The following SP140 variants were observed in gnomAD, a reference collection of about 807,000 sequenced individuals.
The protein encoded by SP140 is nuclear body protein SP140.
A neutral mutation model predicts 125.0 loss-of-function variants in SP140; 81 were observed. That is an observed-to-expected ratio of 0.65 (90% CI 0.54 to 0.78). The LOEUF (loss-of-function observed/expected upper bound fraction) is 0.78, where lower values mean the gene tolerates loss of function less well. Among genes scored for constraint, SP140 ranks in the 30% least tolerant of loss-of-function variants. The pLI is 0.00. For synonymous variants in SP140, 312 were observed against 354.0 expected, an observed-to-expected ratio of 0.88 and a Z score of 1.33; for missense variants, 858 against 1,037.0, an observed-to-expected ratio of 0.83 and a Z score of 2.37.
In SP140 at chr2:230,286,363, G is replaced by T. The variant is rs2056382650; in HGVS notation, c.1645+531G>T. On this transcript the variant is annotated intron_variant, in intron 17 of 26. Coordinates refer to ENST00000392045, the MANE Select transcript of SP140 (RefSeq NM_007237.5). ...CAAGCCTTAGTCTGGAACACATATA[G>T]TTGGGGGTGACATGGTCAGTGTCTT... is the stretch of plus-strand genomic sequence containing the variant. Among the ~76,000 whole-genome samples, 3 of 152,208 alleles carry T rather than the reference G, an allele frequency of 2.0e-5. No homozygotes were observed. The South Asian group carries it at 6.2e-4, about 31-fold the overall frequency.
At position 230,312,700 on chromosome 2, in the gene SP140, C is replaced by T; in HGVS notation, c.*16C>T. On this transcript the variant is annotated 3_prime_UTR_variant, in exon 27 of 27. Transcript: ENST00000392045. ...GAACAATTGACTGGATTAGTGGATGCTGAAAGCATTCAGCAAATGGCACCC... is the reference window on the plus strand; with the variant it reads ...GAACAATTGACTGGATTAGTGGATGTTGAAAGCATTCAGCAAATGGCACCC... 6.4e-7 allele frequency: 1 copy of T among 1,574,748 alleles called. No individual in the cohort carries two copies. Among genetic ancestry groups the T allele is most frequent in the Non-Finnish European group, 8.7e-7 (1 of 1,146,130 alleles).
At chr2:230,252,078 T>C (rs1238401706) in intron 10 of SP140, among the ~76,000 whole-genome samples, 3 of 152,012 alleles carry the variant, frequency 2.0e-5, no homozygotes, top group African/African-American at 7.3e-5. Context: ...AAGAGACTTT[T>C]ATTAACAAGT....
intron 1 of SP140, among the ~76,000 whole-genome samples, chr2:230,233,265 A>G (rs1004352639): frequency 6.6e-6 from 1 of 152,084 alleles, no homozygotes; most frequent in African/African-American, 2.4e-5. Context: ...TATCATTTGA[A>G]TTTGTATTTG....
intron 1 of SP140, among the ~76,000 whole-genome samples, chr2:230,231,070 G>A (rs1472262878): frequency 6.6e-6 from 1 of 151,876 alleles, no homozygotes; most frequent in Non-Finnish European, 1.5e-5. Flanking sequence ...CTTCATTTCT[G>A]TTACATTGTT....
chr2:230,310,072 C>T (rs759637247), intron 23 of SP140, 33 bp downstream of exon 23: 8 of 1,604,174 alleles, frequency 5.0e-6, no homozygotes, highest in African/African-American at 1.3e-5. Flanking sequence ...TCTTTTTGTC[C>T]TTTAAGGGAT....
At chr2:230,258,246 C>T (rs897472379) in intron 12 of SP140, among the ~76,000 whole-genome samples, 1 of 152,026 alleles carries the variant, frequency 6.6e-6, no homozygotes, top group African/African-American at 2.4e-5. Flanking sequence ...GAAGAGGACC[C>T]TGGAAACAAA....
At chr2:230,255,918 A>G (rs2051117344) in intron 12 of SP140, among the ~76,000 whole-genome samples, 1 of 152,252 alleles carries the variant, frequency 6.6e-6, no homozygotes, top group Admixed American at 6.5e-5. Context: ...GGGGGCAGGC[A>G]AACTGAGTAA....
At chr2:230,241,362 G>A (rs1207802041) in intron 3 of SP140, 42 bp from the exon 4 acceptor site, 1 of 1,245,760 alleles carries the variant, frequency 8.0e-7, no homozygotes. Context: ...CTCTCCTCTG[G>A]TCACTGTCTG....
Position 230,279,872 on chromosome 2 carries a change from C to T in SP140, c.1499-4474C>T, listed in dbSNP as rs553802831. Among the ~76,000 whole-genome samples, 8 of 149,174 alleles carry T rather than the reference C, an allele frequency of 5.4e-5. No individual in the cohort carries two copies. In the East Asian group the frequency reaches 1.6e-3, roughly 29 times the overall value. On this transcript the variant is annotated intron_variant, in intron 15 of 26. Coordinates refer to ENST00000392045, the MANE Select transcript of SP140 (RefSeq NM_007237.5). ...TCCTGGGCTCAAGTAATCCTCCTGCCTCAGACTCCCAAATAAGTGGGAATA... is the reference window on the plus strand; with the variant it reads ...TCCTGGGCTCAAGTAATCCTCCTGCTTCAGACTCCCAAATAAGTGGGAATA...
chr2:230,310,620 G>A, intron 23 of SP140, 123 bp from the exon 24 acceptor site: 1 of 1,581,166 alleles, frequency 6.3e-7, no homozygotes, highest in Non-Finnish European at 8.6e-7. Flanking sequence ...ACTTTGGGAG[G>A]TGTTCCCCTC....
chr2:230,220,579 C>G (rs1201966037), intron 3 of SP140, among the ~76,000 whole-genome samples: 2 of 152,142 alleles, frequency 1.3e-5, no homozygotes, highest in Non-Finnish European at 2.9e-5. Flanking sequence ...TAGTTGGGAG[C>G]CAGGAGTCTG....
chr2:230,241,335 C>A, intron 3 of SP140, 69 bp from the exon 4 acceptor site: 3 of 966,624 alleles, frequency 3.1e-6, no homozygotes, highest in Non-Finnish European at 5.0e-6. Context: ...TCAAGTTCAT[C>A]TTGAGCACAC....
the SP140 span, among the ~76,000 whole-genome samples, chr2:230,194,796 G>A: frequency 6.6e-6 from 1 of 152,180 alleles, no homozygotes; most frequent in Non-Finnish European, 1.5e-5. Flanking sequence ...AAAATTGTCT[G>A]ATGCCTCATG....
upstream of SP140, among the ~76,000 whole-genome samples, chr2:230,222,840 GTT>G (rs35018428): frequency 0.019 from 2,491 of 128,880 alleles, 47 homozygotes; most frequent in African/African-American, 0.052. Context: ...GTGTATTAAA[GTT>G]TTTTTTTTTT....
chr2:230,287,791 G>T, intron 17 of SP140, 101 bp from the exon 18 acceptor site: 1 of 991,760 alleles, frequency 1.0e-6, no homozygotes, highest in South Asian at 2.0e-5. Flanking sequence ...CATTAAACAG[G>T]CTTTTGGAAA....
chr2:230,204,108 A>T (rs1337409260), intron 1 of SP140, among the ~76,000 whole-genome samples: 1 of 152,220 alleles, frequency 6.6e-6, no homozygotes, highest in Non-Finnish European at 1.5e-5. Context: ...AAACCTGAAA[A>T]ATTTCATTTA....
At chr2:230,243,004 A>G (rs951477252) in intron 4 of SP140, among the ~76,000 whole-genome samples, 3 of 152,122 alleles carry the variant, frequency 2.0e-5, no homozygotes, top group African/African-American at 7.2e-5. Flanking sequence ...TCCTTAATAC[A>G]CTAAGGATTA....
Position 230,312,773 on chromosome 2 carries a change from G to A in SP140, c.*89G>A, listed in dbSNP as rs769779424. ...ACTGACTTCAAAATGAGGTCACTTG[G>A]GCACAGCACATGCAGGGAGGGGCTT... is the stretch of plus-strand genomic sequence containing the variant. On this transcript the variant is annotated 3_prime_UTR_variant, in exon 27 of 27. Transcript: ENST00000392045. The A allele has an allele frequency of 2.9e-5, 27 of 920,206 alleles. No homozygotes were observed. The South Asian group carries it at 3.5e-4, about 12-fold the overall frequency. The allele number at this position is 920,206 out of a possible 1,614,324, so 57.0% of individuals were successfully genotyped here.
intron 23 of SP140, 105 bp downstream of exon 23, chr2:230,310,144 C>G: frequency 9.0e-7 from 1 of 1,109,656 alleles, no homozygotes; most frequent in Non-Finnish European, 1.3e-6. Context: ...GGGGAAAGAG[C>G]AGGTTCATCG....
Sources: gnomAD v4.1 joint callset for allele counts (sites outside exome capture counted in the v4.1 genomes callset) on GRCh38, gnomAD v4.1.1 for gene constraint, MANE v1.5 for transcripts, NCBI Gene and HGNC (gene_info 2026-07-23, HGNC 2026-07-21) for gene names.